AMPD3: variants seen among roughly 807,000 people sequenced by gnomAD.
AMPD3 encodes AMP deaminase 3.
In AMPD3, 57 loss-of-function variants were observed where a neutral mutation model predicts 82.3. The observed-to-expected ratio is 0.69, with a 90% CI of 0.56 to 0.86. The LOEUF is 0.86. Among genes scored for constraint, AMPD3 ranks in the 40% least tolerant of loss-of-function variants. AMPD3 has a pLI of 0.00. For missense variants in AMPD3, 870 were observed against 1,003.8 expected (o/e 0.87, Z 1.80); for synonymous variants, 381 against 394.7 (o/e 0.97, Z 0.41).
At chr11:10,482,033 A>C (rs779709682) in intron 3 of AMPD3, 30 bp from the exon 4 acceptor site, 27 of 1,613,994 alleles carry the variant, frequency 1.7e-5, no homozygotes, top group Non-Finnish European at 2.1e-5. Context: ...CTGCTGCATG[A>C]ACCCTTTCCT....
intron 5 of AMPD3, among the ~76,000 whole-genome samples, chr11:10,485,405 G>T (rs12221503): frequency 6.6e-6 from 1 of 151,974 alleles, no homozygotes; most frequent in South Asian, 2.1e-4. Context: ...TGCCACCATG[G>T]CTAATTTTTT....
chr11:10,481,972 G>A (rs187888530), intron 3 of AMPD3, 91 bp from the exon 4 acceptor site: 4 of 1,544,392 alleles, frequency 2.6e-6, no homozygotes, highest in Admixed American at 3.3e-5. Context: ...CCAGATACCA[G>A]GCAAGGGCCA....
intron 13 of AMPD3, among the ~76,000 whole-genome samples, chr11:10,503,285 T>C (rs745566055): frequency 6.6e-6 from 1 of 152,232 alleles, no homozygotes; most frequent in Non-Finnish European, 1.5e-5. Flanking sequence ...TAACATAGTG[T>C]CTGCATATAT....
intron 11 of AMPD3, chr11:10,501,016 G>A (rs1038425065): frequency 2.5e-5 from 25 of 985,314 alleles, no homozygotes; most frequent in Middle Eastern, 5.2e-4. Context: ...CCTGGGCTGA[G>A]CTTTTGGAGA....
intron 1 of AMPD3, among the ~76,000 whole-genome samples, chr11:10,460,521 C>T (rs1848238149): frequency 6.6e-6 from 1 of 151,852 alleles, no homozygotes; most frequent in Non-Finnish European, 1.5e-5. Context: ...ATTCTCTTGC[C>T]TCAGCCTCCT....
intron 13 of AMPD3, among the ~76,000 whole-genome samples, chr11:10,503,514 T>G (rs1389389988): frequency 6.6e-6 from 1 of 152,224 alleles, no homozygotes; most frequent in African/African-American, 2.4e-5. Context: ...TCTTGGTCTC[T>G]GGACCCCTTT....
intron 2 of AMPD3, 152 bp from the exon 3 acceptor site, chr11:10,478,374 G>A: frequency 4.4e-6 from 7 of 1,579,984 alleles, no homozygotes; most frequent in South Asian, 1.1e-5. Flanking sequence ...GTAAGAGGAA[G>A]GCATGAATAA....
chr11:10,455,825 A>AGG (rs1453726769), intron 1 of AMPD3: 1 of 862,210 alleles, frequency 1.2e-6, no homozygotes, highest in Non-Finnish European at 1.4e-6. Flanking sequence ...GGGCTGCTTT[A>AGG]GGGGGGCTTT....
At position 10,482,049 on chromosome 11, in the gene AMPD3, C is replaced by T. The variant is rs1203967413; in HGVS notation, c.427-14C>T. On this transcript the variant is annotated splice_polypyrimidine_tract_variant and intron_variant, in intron 3 of 14. Coordinates refer to ENST00000396553, the MANE Select transcript of AMPD3 (RefSeq NM_001025389.2). The stretch of plus-strand genomic sequence containing the variant: ...TGCTGCATGAACCCTTTCCTGCCTG[C>T]CTCCCTTCTGCAGATCACTTTGGAG... The T allele has an allele frequency of 2.5e-6, 4 of 1,614,078 alleles. No homozygotes were observed. In the Admixed American group the frequency reaches 6.7e-5, roughly 27 times the overall value.
intron 1 of AMPD3, among the ~76,000 whole-genome samples, chr11:10,459,881 A>G (rs1265207413): frequency 1.3e-5 from 2 of 151,858 alleles, no homozygotes; most frequent in African/African-American, 4.8e-5. Flanking sequence ...AAGGCTGAGA[A>G]CAGCACAAAT....
intron 14 of AMPD3, 83 bp from the exon 15 acceptor site, chr11:10,505,625 T>G: frequency 6.4e-7 from 1 of 1,571,750 alleles, no homozygotes; most frequent in Non-Finnish European, 8.6e-7. Flanking sequence ...TGACTTGCTG[T>G]GACTGATGTC....
chr11:10,499,799 C>T, intron 10 of AMPD3: 2 of 985,462 alleles, frequency 2.0e-6, no homozygotes, highest in Non-Finnish European at 2.4e-6. Context: ...CTTCACCTGG[C>T]TTGGCAGTTT....
intron 5 of AMPD3, chr11:10,486,589 TAC>T (rs2133901480): frequency 1.0e-6 from 1 of 985,346 alleles, no homozygotes; most frequent in Non-Finnish European, 1.2e-6. Flanking sequence ...CAAATATCCC[TAC>T]AGTCCCAATC....
chr11:10,456,584 A>C lies in AMPD3; in HGVS notation c.-6+1136A>C. Reference sequence around the variant, plus strand: ...TTTCTAACTTTGGGACACTTCTTCAAGTTCATCAGAGCGTGTTGCATGTAA... The same window carrying C: ...TTTCTAACTTTGGGACACTTCTTCACGTTCATCAGAGCGTGTTGCATGTAA... On this transcript the variant is annotated intron_variant, in intron 1 of 14. Coordinates refer to ENST00000396553, the MANE Select transcript of AMPD3 (RefSeq NM_001025389.2). This position sits in a 1 kb window ranked among gnomAD's most constrained non-coding sequence, Gnocchi z 4.3. 5.1e-6 allele frequency: 5 copies of C among 985,484 alleles called. No individual in the cohort carries two copies. Among genetic ancestry groups the C allele is most frequent in the Non-Finnish European group, 6.0e-6 (5 of 829,944 alleles). The allele number at this position is 985,484 out of a possible 1,614,324, so 61.0% of individuals were successfully genotyped here.
intron 5 of AMPD3, among the ~76,000 whole-genome samples, chr11:10,486,018 G>C (rs1019835958): frequency 6.6e-6 from 1 of 151,986 alleles, no homozygotes; most frequent in African/African-American, 2.4e-5. Flanking sequence ...AAGTAGCATA[G>C]TGAGCCCAAT....
chr11:10,500,524 T>G (rs1353974402), intron 11 of AMPD3: 1 of 839,774 alleles, frequency 1.2e-6, no homozygotes, highest in African/African-American at 1.8e-5. Context: ...GCAGCCACAG[T>G]CCACACGTGT....
At chr11:10,458,394 TAG>T (rs1848164839) in intron 1 of AMPD3, among the ~76,000 whole-genome samples, 1 of 152,146 alleles carries the variant, frequency 6.6e-6, no homozygotes, top group Non-Finnish European at 1.5e-5. Flanking sequence ...TCTCTTTTCA[TAG>T]AGTCTTAAGT....
At chr11:10,467,561 C>T (rs529804221) in intron 2 of AMPD3, among the ~76,000 whole-genome samples, 187 of 152,244 alleles carry the variant, frequency 1.2e-3, no homozygotes, top group African/African-American at 3.9e-3. Context: ...CTGAAAGTGA[C>T]GGGGAGAATC....
intron 3 of AMPD3, chr11:10,481,824 T>C: frequency 1.8e-6 from 1 of 568,750 alleles, no homozygotes; most frequent in Non-Finnish European, 3.2e-6. Context: ...CATGTCTGCA[T>C]AGCACATCTC....
Sources: gnomAD v4.1 joint callset for allele counts (sites outside exome capture counted in the v4.1 genomes callset) on GRCh38, gnomAD v4.1.1 for gene constraint, Gnocchi (gnomAD v3.1) non-coding constraint, MANE v1.5 for transcripts, NCBI Gene and HGNC (gene_info 2026-07-23, HGNC 2026-07-21) for gene names.